Variants in NKD1 observed in about 807,000 individuals in gnomAD.
The protein encoded by NKD1 is NKD inhibitor of Wnt signaling pathway 1.
A neutral mutation model predicts 56.0 loss-of-function variants in NKD1; 21 were observed. That is an observed-to-expected ratio of 0.38 (90% confidence interval 0.27 to 0.54). The LOEUF is 0.54. NKD1 is among the 20% of genes least tolerant of loss of function. The pLI, the probability that NKD1 is intolerant of heterozygous loss-of-function variation, is 0.82. For missense variants in NKD1, 578 were observed against 642.7 expected, an observed-to-expected ratio of 0.90 and a Z score of 1.09; for synonymous variants, 263 against 265.7, an observed-to-expected ratio of 0.99 and a Z score of 0.10.
chr16:50,627,272 C>T (rs1434153213), intron 6 of NKD1, among the ~76,000 whole-genome samples: 1 of 152,220 alleles, frequency 6.6e-6, no homozygotes, highest in Non-Finnish European at 1.5e-5. Flanking sequence ...TCTGTTTCCT[C>T]AGTCTATTTC....
rs1314831694 is a variant in NKD1 at position 50,632,614 on chromosome 16, A to G, written c.823+206A>G. On this transcript the variant is annotated intron_variant, in intron 9 of 9. Transcript: ENST00000268459. The surrounding 1 kb of genome is among the most constrained non-coding windows in gnomAD (Gnocchi z 4.1). ...CATGCACGAAATCGAACAAAATCCAATAGTATCTAAAGGCTTAGCACCCAA... is the reference window on the plus strand; with the variant it reads ...CATGCACGAAATCGAACAAAATCCAGTAGTATCTAAAGGCTTAGCACCCAA... Among the ~76,000 whole-genome samples, 1 of 152,216 alleles carries G rather than the reference A, an allele frequency of 6.6e-6. No individual in the cohort carries two copies.
intron 3 of NKD1, among the ~76,000 whole-genome samples, chr16:50,591,143 A>C (rs1451279779): frequency 6.6e-6 from 1 of 152,132 alleles, no homozygotes; most frequent in African/African-American, 2.4e-5. Context: ...CTCTTTTTAA[A>C]TTAACCTGAT....
intron 3 of NKD1, chr16:50,574,090 C>T (rs1960942286): frequency 1.2e-6 from 1 of 816,490 alleles, no homozygotes; most frequent in Admixed American, 6.2e-5. Flanking sequence ...AACTGAGGCT[C>T]CAAGTGGCAG....
intron 3 of NKD1, among the ~76,000 whole-genome samples, chr16:50,571,134 G>A (rs1044488573): frequency 2.0e-5 from 3 of 152,232 alleles, no homozygotes; most frequent in African/African-American, 7.2e-5. Context: ...GCTCAACACA[G>A]ACAGTTGGAT....
intron 3 of NKD1, chr16:50,571,405 G>T (rs1960880799): frequency 1.2e-6 from 1 of 825,170 alleles, no homozygotes; most frequent in African/African-American, 1.9e-5. Context: ...GGCTTTGGGG[G>T]TTGGTAGGGA....
intron 7 of NKD1, 49 bp downstream of exon 7, chr16:50,630,382 G>T: frequency 6.2e-7 from 1 of 1,603,878 alleles, no homozygotes; most frequent in Non-Finnish European, 8.5e-7. Context: ...CCCATCTCAG[G>T]AAGGAACAGA....
At chr16:50,582,153 A>G (rs1463551387) in intron 3 of NKD1, among the ~76,000 whole-genome samples, 2 of 152,156 alleles carry the variant, frequency 1.3e-5, no homozygotes, top group African/African-American at 2.4e-5. Flanking sequence ...CCGCCCAAGG[A>G]TGTCTCACCT....
At chr16:50,591,639 G>A (rs571318069) in intron 3 of NKD1, among the ~76,000 whole-genome samples, 2 of 152,306 alleles carry the variant, frequency 1.3e-5, no homozygotes, top group Admixed American at 6.5e-5. Flanking sequence ...CAGCTCCCAG[G>A]CTAGCATTTT....
At chr16:50,619,754 G>A (rs1326661156) in intron 4 of NKD1, among the ~76,000 whole-genome samples, 2 of 152,142 alleles carry the variant, frequency 1.3e-5, no homozygotes, top group Non-Finnish European at 2.9e-5. Context: ...CTCATTTTAC[G>A]GTTGGGGAAA....
At chr16:50,622,922 T>TG (rs768131804) in intron 5 of NKD1, among the ~76,000 whole-genome samples, 5 of 151,800 alleles carry the variant, frequency 3.3e-5, no homozygotes, top group Non-Finnish European at 7.4e-5. Context: ...CCGAGGGGTG[T>TG]GGGGTAACGG....
chr16:50,564,242 C>G (rs1241250798), intron 3 of NKD1, among the ~76,000 whole-genome samples: 1 of 152,250 alleles, frequency 6.6e-6, no homozygotes. Context: ...AGAGCACCTT[C>G]TTGTGATGTC....
In NKD1 at chr16:50,631,799, T is replaced by A. The variant is rs1261675784; in HGVS notation, c.696-482T>A. Among the ~76,000 whole-genome samples, 5 of 152,012 alleles carry A rather than the reference T, an allele frequency of 3.3e-5. No individual in the cohort carries two copies. The East Asian group carries it at 5.8e-4, about 18-fold the overall frequency. On this transcript the variant is annotated intron_variant, in intron 8 of 9. Transcript: ENST00000268459. ...CACACATGCATGTGCACACACACAC[T>A]CACACACTGGTGAGGCCCATCCTGG...
chr16:50,590,355 C>T (rs182684096), intron 3 of NKD1, among the ~76,000 whole-genome samples: 3 of 152,354 alleles, frequency 2.0e-5, no homozygotes, highest in East Asian at 3.9e-4. Context: ...AAAAAATCCC[C>T]ACATGTGTTC....
intron 3 of NKD1, among the ~76,000 whole-genome samples, chr16:50,589,516 C>A (rs1961301652): frequency 6.6e-6 from 1 of 152,092 alleles, no homozygotes; most frequent in Non-Finnish European, 1.5e-5. Flanking sequence ...TCAGCCTGGT[C>A]GGGGGCACCA....
chr16:50,579,503 C>T (rs1249711720), intron 3 of NKD1, among the ~76,000 whole-genome samples: 1 of 127,338 alleles, frequency 7.9e-6, no homozygotes, highest in African/African-American at 3.3e-5. Context: ...GCACTCTAAC[C>T]CGCCACGCAT....
At chr16:50,601,815 C>G (rs926846402) in intron 3 of NKD1, among the ~76,000 whole-genome samples, 1 of 152,110 alleles carries the variant, frequency 6.6e-6, no homozygotes, top group Non-Finnish European at 1.5e-5. Flanking sequence ...ATTTTGGCTC[C>G]TTTGGAAAGA....
At chr16:50,551,746 AT>A (rs1460062829) in intron 3 of NKD1, 1 of 152,108 alleles carries the variant, frequency 6.6e-6, no homozygotes, top group Non-Finnish European at 1.5e-5. Flanking sequence ...AGAAAAAAAA[AT>A]AACTAGGACA....
intron 3 of NKD1, among the ~76,000 whole-genome samples, chr16:50,580,424 A>G (rs1356560898): frequency 2.6e-5 from 4 of 152,258 alleles, no homozygotes. Context: ...GCATAATAGC[A>G]GGTACACGCA....
intron 3 of NKD1, among the ~76,000 whole-genome samples, chr16:50,590,533 A>G (rs1452951465): frequency 1.3e-5 from 2 of 152,214 alleles, no homozygotes; most frequent in African/African-American, 4.8e-5. Context: ...GGTGCTTCTA[A>G]GGAACTAGGT....
Sources: gnomAD v4.1 joint callset for allele counts (sites outside exome capture counted in the v4.1 genomes callset) on GRCh38, gnomAD v4.1.1 for gene constraint, Gnocchi (gnomAD v3.1) non-coding constraint, MANE v1.5 for transcripts, NCBI Gene and HGNC (gene_info 2026-07-23, HGNC 2026-07-21) for gene names.